The following PRPF4 variants were observed in gnomAD, a reference collection of about 807,000 sequenced individuals.
PRPF4 encodes pre-mRNA splicing tri-snRNP complex factor PRPF4, also known as U4/U6 small nuclear ribonucleoprotein Prp4.
A neutral mutation model predicts 72.2 loss-of-function variants in PRPF4; 14 were observed. That is an observed-to-expected ratio of 0.19 (90% CI 0.13 to 0.30). PRPF4 has a LOEUF of 0.30. Ranked by LOEUF, PRPF4 falls within the 10% of genes least tolerant of loss-of-function variation. The pLI, the probability that PRPF4 is intolerant of heterozygous loss-of-function variation, is 1.00. For missense variants in PRPF4, 478 were observed against 653.9 expected, an observed-to-expected ratio of 0.73 and a Z score of 2.93; for synonymous variants, 225 against 232.2, an observed-to-expected ratio of 0.97 and a Z score of 0.28.
At chr9:113,279,652 G>T (rs1832217009) in intron 3 of PRPF4, among the ~76,000 whole-genome samples, 1 of 152,166 alleles carries the variant, frequency 6.6e-6, no homozygotes, top group Non-Finnish European at 1.5e-5. Flanking sequence ...GCCTCCCAAA[G>T]TGCTGGGATT....
rs753010104 is a variant in PRPF4 at position 113,290,490 on chromosome 9, G to C, written c.1047G>C (p.Trp349Cys). 6.2e-7 allele frequency: 1 copy of C among 1,614,170 alleles called. No homozygotes were observed. The highest frequency in any genetic ancestry group is 1.1e-5 in the South Asian group (1 of 91,080). Reference protein sequence around the residue: ...TTCYDRSWRLWDLEAQEEILH... With the variant: ...TTCYDRSWRLCDLEAQEEILH... Reference sequence around the variant, plus strand: ...GCTATGACCGTTCATGGCGCTTATGGGATTTGGAGGCTCAAGAGGAGATCC... The same window carrying C: ...GCTATGACCGTTCATGGCGCTTATGCGATTTGGAGGCTCAAGAGGAGATCC... The change falls in exon 11 of 14, where the codon TGG (tryptophan) becomes TGC (cysteine). Residue 349 changes from tryptophan (W) to cysteine (C), a missense_variant. Coordinates refer to ENST00000374198, the MANE Select transcript of PRPF4 (RefSeq NM_001244926.2).
At chr9:113,276,753 T>C in intron 2 of PRPF4, 28 bp downstream of exon 2, 1 of 1,581,532 alleles carries the variant, frequency 6.3e-7, no homozygotes, top group Non-Finnish European at 8.6e-7. Flanking sequence ...AGCCCATCTT[T>C]ACCTCTTTGT....
intron 7 of PRPF4, 101 bp from the exon 8 acceptor site, chr9:113,286,131 T>C: frequency 7.5e-7 from 1 of 1,328,888 alleles, no homozygotes; most frequent in Non-Finnish European, 1.1e-6. Flanking sequence ...ATTGTAAAGT[T>C]TATTGGGGGT....
rs112020233 is a variant in PRPF4 at position 113,284,269 on chromosome 9, G to A, written c.655-26G>A. On this transcript the variant is annotated intron_variant, in intron 6 of 13. Transcript: ENST00000374198. ...TTAGATTAACCTATTAATGATCACC[G>A]TGTGTGTATTTTTTTTCTTTTTAAG... 1,051 of 1,498,596 alleles carry A rather than the reference G, an allele frequency of 7.0e-4. 5 individuals carry two copies. In the African/African-American group the frequency reaches 0.012, roughly 17 times the overall value. The allele number at this position is 1,498,596 out of a possible 1,614,324, so 92.8% of individuals were successfully genotyped here. A position where few individuals can be genotyped will look rare whatever the true frequency, so the allele number is the denominator to read the frequency against.
At chr9:113,282,128 G>C (rs1398760862) in intron 3 of PRPF4, among the ~76,000 whole-genome samples, 1 of 152,170 alleles carries the variant, frequency 6.6e-6, no homozygotes, top group Non-Finnish European at 1.5e-5. Context: ...AGAAGACTGA[G>C]TGGGAGAAAC....
chr9:113,276,301 T>A (rs907550065), intron 1 of PRPF4, among the ~76,000 whole-genome samples: 1 of 152,194 alleles, frequency 6.6e-6, no homozygotes, highest in Admixed American at 6.5e-5. Context: ...AAACCTTTCA[T>A]AGGAAAATAC....
At position 113,284,381 on chromosome 9, in the gene PRPF4, A is replaced by C. The variant is rs1164337940; in HGVS notation, c.741A>C (p.Thr247=). Residue 247 remains threonine, a synonymous_variant, in exon 7 of 14, where the codon ACA becomes ACC. Coordinates refer to ENST00000374198, the MANE Select transcript of PRPF4 (RefSeq NM_001244926.2). ...GTCCCAATTCCAAGATGCTGGCCAC[A>C]GCTTGTTGGTAAGTTCCATTTTACA... is the stretch of plus-strand genomic sequence containing the variant. ...HFSPNSKMLA[T]ACWSGLCKLW... The C allele has an allele frequency of 6.2e-7, 1 of 1,608,938 alleles. No homozygotes were observed. Among genetic ancestry groups the C allele is most frequent in the Admixed American group, 1.7e-5 (1 of 60,018 alleles).
chr9:113,290,331 G>A (rs776640814), intron 10 of PRPF4, 135 bp from the exon 11 acceptor site: 35 of 1,260,218 alleles, frequency 2.8e-5, no homozygotes, highest in Non-Finnish European at 3.4e-5. Context: ...TCAGAAAGGA[G>A]CTTCCTGTTA....
Position 113,283,522 on chromosome 9 carries a change from C to T in PRPF4, c.654+40C>T, listed in dbSNP as rs780614103. 28 of 1,603,084 alleles carry T rather than the reference C, an allele frequency of 1.7e-5. No individual in the cohort carries two copies. In the South Asian group the frequency reaches 1.8e-4, roughly 10 times the overall value. The stretch of plus-strand genomic sequence containing the variant: ...GCAATTGTCCCACATCTTAAAGGTT[C>T]TTCATGTTTATTTGATTTTTCTACT... On this transcript the variant is annotated intron_variant, in intron 6 of 13. Transcript: ENST00000374198.
intron 1 of PRPF4, among the ~76,000 whole-genome samples, 179 bp downstream of exon 1, chr9:113,275,949 G>A (rs375130387): frequency 2.4e-4 from 37 of 152,222 alleles, no homozygotes; most frequent in Non-Finnish European, 5.0e-4. Context: ...AAGCGCTTTC[G>A]TGGACTGTAG....
chr9:113,286,126 A>G, intron 7 of PRPF4, 106 bp from the exon 8 acceptor site: 3 of 1,277,176 alleles, frequency 2.3e-6, no homozygotes, highest in Non-Finnish European at 3.4e-6. Flanking sequence ...CAGCCATTGT[A>G]AAGTTTATTG....
Position 113,286,763 on chromosome 9 carries a change from C to T in PRPF4, c.867C>T (p.Asp289=), listed in dbSNP as rs1002211380. ...VFHPKSTVSL[D]PKDVNLASCA... ...ATCCCAAATCCACTGTCTCCTTGGA[C>T]CCAAAAGATGTCAACCTGGCCTCTT... Residue 289 remains aspartate (D), a synonymous_variant, in exon 9 of 14, where the codon GAC becomes GAT. Coordinates refer to ENST00000374198, the MANE Select transcript of PRPF4 (RefSeq NM_001244926.2). 6.2e-7 allele frequency: 1 copy of T among 1,614,042 alleles called. No homozygotes were observed. The highest frequency in any genetic ancestry group is 1.3e-5 in the African/African-American group (1 of 74,914).
intron 7 of PRPF4, 90 bp downstream of exon 7, chr9:113,284,479 G>A (rs113644679): frequency 4.6e-6 from 5 of 1,075,348 alleles, no homozygotes; most frequent in African/African-American, 3.1e-5. Context: ...CTATTTCTAC[G>A]TCCTCTTTCT....
chr9:113,276,416 T>C, intron 1 of PRPF4, 132 bp from the exon 2 acceptor site: 1 of 937,284 alleles, frequency 1.1e-6, no homozygotes, highest in Non-Finnish European at 1.7e-6. Flanking sequence ...GCGTCTTAAG[T>C]AGTGTCCAAT....
At chr9:113,286,638 C>T in intron 8 of PRPF4, 67 bp from the exon 9 acceptor site, 4 of 1,581,240 alleles carry the variant, frequency 2.5e-6, no homozygotes, top group South Asian at 1.1e-5. Flanking sequence ...CCACATGTTC[C>T]CTAGTATATA....
chr9:113,283,950 C>A (rs940161737), intron 6 of PRPF4, among the ~76,000 whole-genome samples: 3 of 151,862 alleles, frequency 2.0e-5, no homozygotes, highest in Non-Finnish European at 4.4e-5. Flanking sequence ...TGCCTATAAT[C>A]CCAGGTACTT....
In PRPF4 at chr9:113,292,738, T is replaced by C. The variant is rs1291134999; in HGVS notation, c.*1078T>C. 2.0e-5 allele frequency: 3 copies of C among 152,222 alleles called. No individual in the cohort carries two copies. 9.4% of individuals were successfully genotyped at this position (152,222 alleles called of 1,614,324 possible). On this transcript the variant is annotated 3_prime_UTR_variant, in exon 14 of 14. Coordinates refer to ENST00000374198, the MANE Select transcript of PRPF4 (RefSeq NM_001244926.2). ...TCCTTTCTCTTGGCTGTTTAAAGGA[T>C]GTACTTCGTGTATTAAAGGGTACTT...
In PRPF4 at chr9:113,279,079, T is replaced by G; in HGVS notation, c.340T>G (p.Leu114Val). 6.2e-7 allele frequency: 1 copy of G among 1,614,210 alleles called. No homozygotes were observed. The highest frequency in any genetic ancestry group is 8.5e-7 in the Non-Finnish European group (1 of 1,180,032). The part of the protein sequence containing the change: ...DSEVKACLRA[L>V]GEPITLFGEG... ...AGAGGTCAAAGCTTGCCTTAGAGCC[T>G]TGGGGGAACCCATCACACTTTTTGG... The change falls in exon 3 of 14, where the codon TTG (leucine) becomes GTG (valine). Residue 114 changes from leucine to valine, a missense_variant. Leu to Val is a conservative substitution (Grantham distance 32, BLOSUM62 1). Transcript: ENST00000374198.
At chr9:113,281,395 T>G (rs532662788) in intron 3 of PRPF4, among the ~76,000 whole-genome samples, 1 of 152,344 alleles carries the variant, frequency 6.6e-6, no homozygotes, top group Admixed American at 6.5e-5. Context: ...ATGAATCCTT[T>G]GAGTCACTAC....
Sources: gnomAD v4.1 joint callset for allele counts (sites outside exome capture counted in the v4.1 genomes callset) on GRCh38, gnomAD v4.1.1 for gene constraint, MANE v1.5 for transcripts, NCBI Gene and HGNC (gene_info 2026-07-23, HGNC 2026-07-21) for gene names.